Variants in NTM observed in about 807,000 individuals in gnomAD.
The protein encoded by NTM is neurotrimin.
A neutral mutation model predicts 42.1 loss-of-function variants in NTM; 13 were observed. The observed-to-expected ratio is 0.31, with a 90% confidence interval of 0.20 to 0.49. The LOEUF (loss-of-function observed/expected upper bound fraction) is 0.49. Among genes scored for constraint, NTM ranks in the 20% least tolerant of loss-of-function variants. The pLI is 0.99. For synonymous variants in NTM, 187 were observed against 179.2 expected (o/e 1.04, Z -0.35); for missense variants, 373 against 452.8 (o/e 0.82, Z 1.60).
chr11:132,003,187 T>C lies in NTM; in HGVS notation c.167+91539T>C, dbSNP rs1458409918. On this transcript the variant is annotated intron_variant, in intron 2 of 8. Transcript: ENST00000683400. The surrounding 1 kb of genome is among the most constrained non-coding windows in gnomAD (Gnocchi z 6.0). The stretch of plus-strand genomic sequence containing the variant: ...CAGAGTTATTTCGCTCTGCCAGTGG[T>C]GCACTTCAGAAACACCTGGAGGCTT... Among the ~76,000 whole-genome samples the C allele has an allele frequency of 6.6e-6, 1 of 152,084 alleles. No homozygotes were observed. The highest frequency in any genetic ancestry group is 1.5e-5 in the Non-Finnish European group (1 of 68,018).
At chr11:132,060,253 T>C (rs1483120924) in intron 2 of NTM, among the ~76,000 whole-genome samples, 2 of 152,222 alleles carry the variant, frequency 1.3e-5, no homozygotes, top group African/African-American at 2.4e-5. Flanking sequence ...AGTGTCTTAT[T>C]ACAAGTCTCT....
chr11:131,439,000 C>T (rs1047229388), intron 1 of NTM, among the ~76,000 whole-genome samples: 1 of 152,132 alleles, frequency 6.6e-6, no homozygotes, highest in Non-Finnish European at 1.5e-5. Flanking sequence ...GATGCTGATG[C>T]TATTCTTTTC....
At chr11:132,224,450 G>A (rs913250989) in intron 4 of NTM, among the ~76,000 whole-genome samples, 1 of 152,108 alleles carries the variant, frequency 6.6e-6, no homozygotes, top group Non-Finnish European at 1.5e-5. Context: ...GATGATGTTA[G>A]GGGAGCAGGA....
At chr11:131,484,457 T>G (rs1953940882) in intron 1 of NTM, among the ~76,000 whole-genome samples, 1 of 152,152 alleles carries the variant, frequency 6.6e-6, no homozygotes, top group African/African-American at 2.4e-5. Context: ...GGCTCCCAAC[T>G]TGAGCTGGAG....
chr11:131,867,303 T>C (rs1284482465), intron 1 of NTM, among the ~76,000 whole-genome samples: 2 of 151,994 alleles, frequency 1.3e-5, no homozygotes, highest in African/African-American at 4.8e-5. Flanking sequence ...AGTGGAGAGG[T>C]TGCAGCAAGG....
chr11:131,696,757 TG>T (rs1438133656), intron 1 of NTM, among the ~76,000 whole-genome samples: 1 of 151,146 alleles, frequency 6.6e-6, no homozygotes, highest in African/African-American at 2.5e-5. Flanking sequence ...GTTTCACCTT[TG>T]TGTCTCAAAC....
At chr11:131,822,323 T>C (rs2093223549) in intron 1 of NTM, among the ~76,000 whole-genome samples, 1 of 152,206 alleles carries the variant, frequency 6.6e-6, no homozygotes, top group South Asian at 2.1e-4. Flanking sequence ...CCAAAGACTC[T>C]CACGCAGCTT....
chr11:132,118,884 CA>C (rs1265361306), intron 2 of NTM, among the ~76,000 whole-genome samples: 1 of 151,762 alleles, frequency 6.6e-6, no homozygotes, highest in Non-Finnish European at 1.5e-5. Context: ...TACCATAATG[CA>C]GCTGTGAAAT....
At chr11:131,732,895 T>C (rs2079880017) in intron 1 of NTM, among the ~76,000 whole-genome samples, 1 of 152,200 alleles carries the variant, frequency 6.6e-6, no homozygotes, top group African/African-American at 2.4e-5. Context: ...ATTGATTTTG[T>C]TGGTATAATA....
intron 1 of NTM, among the ~76,000 whole-genome samples, chr11:131,675,310 A>ATTTTTTTT (rs2134702934): frequency 6.6e-6 from 1 of 152,322 alleles, no homozygotes; most frequent in African/African-American, 2.4e-5. Flanking sequence ...TGGTTTTCCC[A>ATTTTTTTT]ACACATTTTT....
At chr11:131,880,773 C>T (rs1344573387) in intron 1 of NTM, among the ~76,000 whole-genome samples, 1 of 151,976 alleles carries the variant, frequency 6.6e-6, no homozygotes, top group Admixed American at 6.6e-5. Flanking sequence ...CCTTGTGGCA[C>T]CTGGAAGGAT....
intron 1 of NTM, among the ~76,000 whole-genome samples, chr11:131,767,887 C>T (rs970644320): frequency 2.6e-5 from 4 of 152,064 alleles, no homozygotes; most frequent in African/African-American, 9.7e-5. Context: ...AAATCCACCT[C>T]CCGATGGGTC....
At chr11:131,872,239 T>C (rs895769937) in intron 1 of NTM, among the ~76,000 whole-genome samples, 1 of 152,164 alleles carries the variant, frequency 6.6e-6, no homozygotes, top group Non-Finnish European at 1.5e-5. Context: ...AGCCTTTAAT[T>C]AACCTTGAGA....
intron 4 of NTM, among the ~76,000 whole-genome samples, chr11:132,240,766 A>C (rs956873269): frequency 6.6e-6 from 1 of 152,230 alleles, no homozygotes; most frequent in African/African-American, 2.4e-5. Flanking sequence ...AATTCTAAAC[A>C]CGTTGAGATA....
intron 2 of NTM, among the ~76,000 whole-genome samples, chr11:132,048,660 T>G (rs970119239): frequency 1.4e-4 from 22 of 152,286 alleles, no homozygotes; most frequent in African/African-American, 4.8e-4. Flanking sequence ...GACCCAGAAG[T>G]TGAGAATCCC....
chr11:132,138,343 A>G (rs908033677), intron 2 of NTM, among the ~76,000 whole-genome samples: 4 of 152,194 alleles, frequency 2.6e-5, no homozygotes, highest in Admixed American at 6.5e-5. Context: ...GCTTGCCGGT[A>G]TATGAATTAA....
At chr11:131,530,708 A>G (rs533232818) in intron 1 of NTM, among the ~76,000 whole-genome samples, 1 of 152,346 alleles carries the variant, frequency 6.6e-6, no homozygotes, top group Non-Finnish European at 1.5e-5. Context: ...TGGTGACCTT[A>G]GAACAGCTGT....
chr11:131,576,118 C>T (rs2057908617), intron 1 of NTM, among the ~76,000 whole-genome samples: 1 of 152,164 alleles, frequency 6.6e-6, no homozygotes, highest in African/African-American at 2.4e-5. Context: ...TGCTCCCTTC[C>T]TTCCTCTCTG....
At chr11:131,902,298 C>A (rs992925456) in intron 1 of NTM, among the ~76,000 whole-genome samples, 1 of 152,210 alleles carries the variant, frequency 6.6e-6, no homozygotes, top group East Asian at 1.9e-4. Flanking sequence ...AAGCCTTCCA[C>A]AAACAAACAG....
Sources: gnomAD v4.1 joint callset for allele counts (sites outside exome capture counted in the v4.1 genomes callset) on GRCh38, gnomAD v4.1.1 for gene constraint, Gnocchi (gnomAD v3.1) non-coding constraint, MANE v1.5 for transcripts, NCBI Gene and HGNC (gene_info 2026-07-23, HGNC 2026-07-21) for gene names.